Variants in LAPTM5 observed in about 807,000 individuals in gnomAD.
The protein encoded by LAPTM5 is lysosomal-associated transmembrane protein 5.
In LAPTM5, 11 loss-of-function variants were observed where a neutral mutation model predicts 30.1. The observed-to-expected ratio is 0.37, with a 90% confidence interval of 0.23 to 0.60. The LOEUF (loss-of-function observed/expected upper bound fraction) is 0.60, where lower values mean the gene tolerates loss of function less well. Among genes scored for constraint, LAPTM5 ranks in the 20% least tolerant of loss-of-function variants. The probability of loss-of-function intolerance (pLI) is 0.71; values close to 1 mark genes in which losing one functional copy is unlikely to be tolerated. For synonymous variants in LAPTM5, 151 were observed against 137.9 expected, an observed-to-expected ratio of 1.10 and a Z score of -0.67; for missense variants, 324 against 332.5, an observed-to-expected ratio of 0.97 and a Z score of 0.20.
At chr1:30,735,682 A>C (rs749000897) in intron 6 of LAPTM5, among the ~76,000 whole-genome samples, 4 of 152,262 alleles carry the variant, frequency 2.6e-5, no homozygotes, top group Non-Finnish European at 5.9e-5. Context: ...ATTACAAAAC[A>C]GCATGTGCAG....
Position 30,739,812 on chromosome 1 carries a change from A to C in LAPTM5, c.384T>G (p.Arg128=). ...PAYLKLASRS[R]ASSSKFPLMT... is the part of the protein sequence containing the mutation. ...GAGGTGGGGGCTGGGTACTCACAGC[A>C]CGGCTCCGGGAGGCCAACTTGAGGT... The change falls in exon 4 of 8, where the codon CGT becomes CGG. Residue 128 remains arginine (R), a synonymous_variant. Transcript: ENST00000294507. The surrounding 1 kb of genome is among the most constrained non-coding windows in gnomAD (Gnocchi z 4.2). 6.2e-7 allele frequency: 1 copy of C among 1,600,984 alleles called. No homozygotes were observed. Among genetic ancestry groups the C allele is most frequent in the Non-Finnish European group, 8.5e-7 (1 of 1,173,318 alleles).
chr1:30,751,113 C>A (rs1557467976), intron 1 of LAPTM5, among the ~76,000 whole-genome samples: 1 of 152,282 alleles, frequency 6.6e-6, no homozygotes, highest in Non-Finnish European at 1.5e-5. Flanking sequence ...ACAGAGAAGT[C>A]TCGGCCAGGC....
chr1:30,742,600 G>T, intron 1 of LAPTM5, 51 bp from the exon 2 acceptor site: 2 of 1,446,670 alleles, frequency 1.4e-6, no homozygotes, highest in South Asian at 2.4e-5. Flanking sequence ...ACGGCCCCCC[G>T]ACCAGCCCCT....
In LAPTM5 at chr1:30,746,482, G is replaced by A. The variant is rs1022509773; in HGVS notation, c.88-3933C>T. 3.9e-5 allele frequency among the ~76,000 whole-genome samples: 6 copies of A among 152,070 alleles called. No individual in the cohort carries two copies. The highest frequency in any genetic ancestry group is 2.1e-4 in the South Asian group (1 of 4,822). ...GCCCTTGCCTTCCCCTCATGTCCCC[G>A]GTTTCCACCTGGACACAGCGCTGCC... is the stretch of plus-strand genomic sequence containing the variant. On this transcript the variant is annotated intron_variant, in intron 1 of 7. Coordinates refer to ENST00000294507, the MANE Select transcript of LAPTM5 (RefSeq NM_006762.3). The surrounding 1 kb of genome is among the most constrained non-coding windows in gnomAD (Gnocchi z 4.0).
intron 1 of LAPTM5, 25 bp downstream of exon 1, chr1:30,757,634 A>G (rs1640230732): frequency 6.2e-7 from 1 of 1,609,554 alleles, no homozygotes; most frequent in African/African-American, 1.3e-5. Flanking sequence ...ACGCACGCAC[A>G]CACACCCGGG....
At chr1:30,752,809 A>C (rs1303799974) in intron 1 of LAPTM5, among the ~76,000 whole-genome samples, 3 of 149,074 alleles carry the variant, frequency 2.0e-5, no homozygotes, top group Middle Eastern at 3.2e-3. Context: ...CTATGATTTG[A>C]ATGCTTTACC....
intron 1 of LAPTM5, among the ~76,000 whole-genome samples, chr1:30,750,494 T>C (rs1448398521): frequency 6.6e-6 from 1 of 152,142 alleles, no homozygotes; most frequent in Non-Finnish European, 1.5e-5. Context: ...CCATACACTC[T>C]CTCGTGTCAA....
At position 30,733,860 on chromosome 1, in the gene LAPTM5, C is replaced by T; in HGVS notation, c.757G>A (p.Gly253Ser). ...LSLPSKTPEGGPAPPPYSEV is the reference protein window; with the variant it reads ...LSLPSKTPEGSPAPPPYSEV ...TCTGAGTATGGGGGTGGTGCTGGGC[C>T]CCCCTCTGGGGTCTTCGATGGCAAA... Residue 253 changes from glycine to serine, a missense_variant, in exon 8 of 8, where the codon GGC becomes AGC. Coordinates refer to ENST00000294507, the MANE Select transcript of LAPTM5 (RefSeq NM_006762.3). 1 of 1,610,058 alleles carries T rather than the reference C, an allele frequency of 6.2e-7. No homozygotes were observed. The highest frequency in any genetic ancestry group is 1.1e-5 in the South Asian group (1 of 90,814).
rs1451965688 is a variant in LAPTM5 at position 30,739,099 on chromosome 1, C to G, written c.388-37G>C. The G allele has an allele frequency of 1.3e-6, 2 of 1,558,388 alleles. No individual in the cohort carries two copies. The highest frequency in any genetic ancestry group is 8.7e-7 in the Non-Finnish European group (1 of 1,149,986). On this transcript the variant is annotated intron_variant, in intron 4 of 7. Transcript: ENST00000294507. The surrounding 1 kb of genome is among the most constrained non-coding windows in gnomAD (Gnocchi z 4.2). ...AAATACAAGGAGGAGGAATGAGGAG[C>G]AGCAATTAAAGTCCCAGTTACTGAG...
intron 1 of LAPTM5, among the ~76,000 whole-genome samples, chr1:30,756,109 G>A (rs1039598310): frequency 3.3e-5 from 5 of 152,224 alleles, no homozygotes; most frequent in Non-Finnish European, 5.9e-5. Flanking sequence ...GTTAGTGGCA[G>A]GGCTGGGGTG....
intron 1 of LAPTM5, among the ~76,000 whole-genome samples, chr1:30,754,779 C>T (rs950464684): frequency 6.6e-6 from 1 of 152,152 alleles, no homozygotes; most frequent in African/African-American, 2.4e-5. Flanking sequence ...CTCAATAGAG[C>T]GTGGCACTGT....
intron 1 of LAPTM5, among the ~76,000 whole-genome samples, chr1:30,754,622 AAAAG>A (rs1640183255): frequency 6.6e-6 from 1 of 152,238 alleles, no homozygotes; most frequent in Non-Finnish European, 1.5e-5. Flanking sequence ...ATTTTTTAAA[AAAAG>A]AAAGAAAGTT....
At chr1:30,750,545 C>T (rs1243921650) in intron 1 of LAPTM5, among the ~76,000 whole-genome samples, 2 of 152,152 alleles carry the variant, frequency 1.3e-5, no homozygotes, top group African/African-American at 4.8e-5. Context: ...ACATGAGTCC[C>T]ATATTTTTCT....
chr1:30,739,050 A>T lies in LAPTM5; in HGVS notation c.400T>A (p.Phe134Ile). ...AGCAGCTGCAGCGTCATCAGGGGGA[A>T]CTTGGAGGAGCTCTGGGGAGGACAA... ...ASRSRASSSKFPLMTLQLLDF... is the reference protein window; with the variant it reads ...ASRSRASSSKIPLMTLQLLDF... The change falls in exon 5 of 8, where the codon TTC (phenylalanine) becomes ATC (isoleucine). Residue 134 changes from phenylalanine (F) to isoleucine (I), a missense_variant. Phe to Ile is a conservative substitution (Grantham distance 21). Coordinates refer to ENST00000294507, the MANE Select transcript of LAPTM5 (RefSeq NM_006762.3). This position sits in a 1 kb window ranked among gnomAD's most constrained non-coding sequence, Gnocchi z 4.2. The T allele has an allele frequency of 1.3e-6, 2 of 1,596,866 alleles. No individual in the cohort carries two copies. Among genetic ancestry groups the T allele is most frequent in the South Asian group, 1.1e-5 (1 of 88,372 alleles).
chr1:30,750,487 TACACTCTCTCGTGTCAA>T (rs988031777), intron 1 of LAPTM5, among the ~76,000 whole-genome samples: 7 of 152,202 alleles, frequency 4.6e-5, no homozygotes, highest in African/African-American at 1.7e-4. Context: ...CGACTGACCA[TACACTCTCTCGTGTCAA>T]CCTCGCGCCA....
At chr1:30,755,804 T>C (rs1459793417) in intron 1 of LAPTM5, among the ~76,000 whole-genome samples, 1 of 152,220 alleles carries the variant, frequency 6.6e-6, no homozygotes, top group Non-Finnish European at 1.5e-5. Flanking sequence ...CATCAGAAGA[T>C]GTGACACAAA....
At chr1:30,756,426 G>T (rs912262589) in intron 1 of LAPTM5, among the ~76,000 whole-genome samples, 8 of 152,216 alleles carry the variant, frequency 5.3e-5, no homozygotes, top group African/African-American at 9.7e-5. Flanking sequence ...TGCATGCTTT[G>T]TATGTATCAA....
intron 1 of LAPTM5, among the ~76,000 whole-genome samples, chr1:30,755,243 A>G (rs1640193746): frequency 1.3e-5 from 2 of 151,778 alleles, no homozygotes; most frequent in South Asian, 4.2e-4. Flanking sequence ...CACAAGTGGC[A>G]GGGTAGGGAG....
intron 6 of LAPTM5, among the ~76,000 whole-genome samples, chr1:30,735,666 A>G (rs1262575653): frequency 6.6e-6 from 1 of 152,196 alleles, no homozygotes; most frequent in African/African-American, 2.4e-5. Context: ...TTGTTTTCTG[A>G]AGCAGATTAC....
Sources: gnomAD v4.1 joint callset for allele counts (sites outside exome capture counted in the v4.1 genomes callset) on GRCh38, gnomAD v4.1.1 for gene constraint, Gnocchi (gnomAD v3.1) non-coding constraint, MANE v1.5 for transcripts, NCBI Gene and HGNC (gene_info 2026-07-23, HGNC 2026-07-21) for gene names.